Variants in EGFR observed in about 807,000 individuals in gnomAD.
EGFR encodes epidermal growth factor receptor, also known as avian erythroblastic leukemia viral (v-erb-b) oncogene homolog.
In EGFR, 58 loss-of-function variants were observed where a neutral mutation model predicts 143.0. That is an observed-to-expected ratio of 0.41 (90% CI 0.33 to 0.50). The LOEUF (loss-of-function observed/expected upper bound fraction) is 0.50, where lower values mean the gene tolerates loss of function less well. EGFR is among the 20% of genes least tolerant of loss of function. The pLI is 0.39. For synonymous variants in EGFR, 613 were observed against 594.4 expected (o/e 1.03, Z -0.45); for missense variants, 1,307 against 1,579.0 (o/e 0.83, Z 2.92).
chr7:55,040,943 G>A (rs1260646117), intron 1 of EGFR, among the ~76,000 whole-genome samples: 1 of 152,186 alleles, frequency 6.6e-6, no homozygotes, highest in East Asian at 1.9e-4. Context: ...AATAGTATGT[G>A]GAGTCCTATG....
intron 1 of EGFR, among the ~76,000 whole-genome samples, chr7:55,132,384 T>A (rs929274529): frequency 1.3e-5 from 2 of 152,234 alleles, no homozygotes; most frequent in African/African-American, 4.8e-5. Flanking sequence ...GAAGATGTGT[T>A]TCTTACAGAT....
intron 1 of EGFR, among the ~76,000 whole-genome samples, chr7:55,043,581 C>T (rs948763824): frequency 1.4e-5 from 2 of 146,198 alleles, no homozygotes; most frequent in African/African-American, 2.6e-5. Context: ...AGGTTGGTCT[C>T]GAACTCCTGG....
intron 1 of EGFR, among the ~76,000 whole-genome samples, chr7:55,031,362 A>G (rs527736207): frequency 1.6e-4 from 24 of 152,260 alleles, no homozygotes; most frequent in Non-Finnish European, 2.6e-4. Context: ...ACCTTCAGTC[A>G]ACAAAAATCT....
chr7:55,205,765 A>G lies in EGFR; in HGVS notation c.*148A>G. 8.0e-7 allele frequency: 1 copy of G among 1,251,350 alleles called. No individual in the cohort carries two copies. Among genetic ancestry groups the G allele is most frequent in the Non-Finnish European group, 1.1e-6 (1 of 881,306 alleles). The allele number at this position is 1,251,350 out of a possible 1,614,324, so 77.5% of individuals were successfully genotyped here. A position where few individuals can be genotyped will look rare whatever the true frequency, so the allele number is the denominator to read the frequency against. On this transcript the variant is annotated 3_prime_UTR_variant, in exon 28 of 28. Transcript: ENST00000275493. ...GCAACGTTTACACCGACTAGCCAGG[A>G]AGTACTTCCACCTCGGGCACATTTT...
intron 13 of EGFR, 30 bp from the exon 14 acceptor site, chr7:55,163,703 G>A (rs377132601): frequency 4.2e-5 from 67 of 1,594,294 alleles, no homozygotes; most frequent in Non-Finnish European, 5.7e-5. Flanking sequence ...CTCAGGGGTG[G>A]GCTGACGGGT....
At chr7:55,088,484 A>T (rs551808415) in intron 1 of EGFR, among the ~76,000 whole-genome samples, 67 of 152,328 alleles carry the variant, frequency 4.4e-4, no homozygotes, top group African/African-American at 1.5e-3. Flanking sequence ...TGTTCAGATT[A>T]TACAGGGATA....
At chr7:55,178,363 A>G (rs1329327148) in intron 19 of EGFR, among the ~76,000 whole-genome samples, 2 of 152,204 alleles carry the variant, frequency 1.3e-5, no homozygotes, top group Admixed American at 6.5e-5. Flanking sequence ...AGGGAACGCA[A>G]AACAGATTTC....
chr7:55,036,314 C>T (rs1295124362), intron 1 of EGFR, among the ~76,000 whole-genome samples: 1 of 142,588 alleles, frequency 7.0e-6, no homozygotes. Flanking sequence ...CTCTACCCAT[C>T]CTATATTTAT....
At chr7:55,154,994 G>A (rs1378456702) in intron 7 of EGFR, among the ~76,000 whole-genome samples, 1 of 152,122 alleles carries the variant, frequency 6.6e-6, no homozygotes, top group African/African-American at 2.4e-5. Context: ...CCACAGTGAT[G>A]ACACAGATAT....
At chr7:55,058,356 T>C (rs1382495988) in intron 1 of EGFR, among the ~76,000 whole-genome samples, 1 of 151,642 alleles carries the variant, frequency 6.6e-6, no homozygotes, top group African/African-American at 2.4e-5. Context: ...ATGAAGCCAC[T>C]GCACTTTAGC....
At chr7:55,107,274 A>C (rs1328009011) in intron 1 of EGFR, among the ~76,000 whole-genome samples, 1 of 151,938 alleles carries the variant, frequency 6.6e-6, no homozygotes, top group Non-Finnish European at 1.5e-5. Context: ...CTTTTTTCCT[A>C]TTTCCATTGG....
intron 1 of EGFR, among the ~76,000 whole-genome samples, chr7:55,071,359 C>A (rs187732952): frequency 4.6e-5 from 7 of 152,340 alleles, no homozygotes; most frequent in Admixed American, 2.0e-4. Flanking sequence ...ATATGTGTTT[C>A]AATTTGCCTT....
At chr7:55,115,816 T>C (rs1348423364) in intron 1 of EGFR, among the ~76,000 whole-genome samples, 1 of 152,176 alleles carries the variant, frequency 6.6e-6, no homozygotes, top group Non-Finnish European at 1.5e-5. Flanking sequence ...GTCCCTGGGA[T>C]TGCAGAACTG....
chr7:55,143,169 C>A, intron 2 of EGFR, 136 bp from the exon 3 acceptor site: 1 of 821,164 alleles, frequency 1.2e-6, no homozygotes. Context: ...CAATCGTCTA[C>A]CTATTTTACA....
At chr7:55,053,954 T>C (rs1456184123) in intron 1 of EGFR, among the ~76,000 whole-genome samples, 1 of 152,240 alleles carries the variant, frequency 6.6e-6, no homozygotes, top group East Asian at 1.9e-4. Flanking sequence ...CTTCAGTCTC[T>C]GAGGAAGAGT....
At chr7:55,046,050 T>C (rs1788159639) in intron 1 of EGFR, among the ~76,000 whole-genome samples, 1 of 152,242 alleles carries the variant, frequency 6.6e-6, no homozygotes, top group South Asian at 2.1e-4. Context: ...TTCTTTCTAC[T>C]TTTTTTATTA....
chr7:55,169,103 CT>C (rs1199458858), intron 15 of EGFR, among the ~76,000 whole-genome samples: 82 of 146,838 alleles, frequency 5.6e-4, no homozygotes, highest in Non-Finnish European at 5.7e-4. Flanking sequence ...ATAGCTATTT[CT>C]TTTTTTTTTT....
intron 13 of EGFR, among the ~76,000 whole-genome samples, chr7:55,162,738 A>G (rs1258411589): frequency 2.0e-5 from 3 of 152,240 alleles, no homozygotes; most frequent in African/African-American, 7.2e-5. Context: ...ACAACCCTGT[A>G]TCACATTTTG....
At chr7:55,142,581 G>T (rs1794521386) in intron 2 of EGFR, 144 bp downstream of exon 2, 1 of 1,038,172 alleles carries the variant, frequency 9.6e-7, no homozygotes, top group African/African-American at 1.6e-5. Flanking sequence ...AGTTTTATGA[G>T]AAAGCCATTT....
Sources: allele counts gnomAD v4.1 joint callset (sites outside exome capture counted in the v4.1 genomes callset), GRCh38; gene constraint gnomAD v4.1.1; transcripts MANE v1.5; gene names NCBI Gene and HGNC (gene_info 2026-07-23, HGNC 2026-07-21).